Variants in COL20A1 observed in about 807,000 individuals in gnomAD.
The protein encoded by COL20A1 is collagen alpha-1(XX) chain.
COL20A1 carries 164 observed loss-of-function variants against 152.9 expected under a neutral mutation model. That is an observed-to-expected ratio of 1.07 (90% confidence interval 0.94 to 1.22). COL20A1 has a LOEUF of 1.22. Ranked by LOEUF, COL20A1 falls within the 50% of genes most tolerant of loss-of-function variation. The probability of loss-of-function intolerance (pLI) is 0.00; values close to 1 mark genes in which losing one functional copy is unlikely to be tolerated. For synonymous variants in COL20A1, 864 were observed against 756.0 expected (o/e 1.14, Z -2.34); for missense variants, 1,873 against 1,744.8 (o/e 1.07, Z -1.31).
Position 63,305,270 on chromosome 20 carries a change from C to T in COL20A1, c.194-147C>T. ...ATTACCCAGGAGCCCATGTCCCTTC[C>T]ATCAGACCCTCTCCCTTTCTGTCTC... On this transcript the variant is annotated intron_variant, in intron 3 of 35. Coordinates refer to ENST00000358894, the MANE Select transcript of COL20A1 (RefSeq NM_020882.4). The surrounding 1 kb of genome is among the most constrained non-coding windows in gnomAD (Gnocchi z 4.9). 1.7e-6 allele frequency: 1 copy of T among 579,832 alleles called. No homozygotes were observed. The highest frequency in any genetic ancestry group is 2.8e-6 in the Non-Finnish European group (1 of 356,658). The allele number at this position is 579,832 out of a possible 1,614,324, so 35.9% of individuals were successfully genotyped here.
At chr20:63,327,584 C>T (rs79012842) in intron 31 of COL20A1, 11,990 of 258,348 alleles carry the variant, frequency 0.046, 424 homozygotes, top group Middle Eastern at 0.07. Context: ...AGACAGAAGA[C>T]GGCAGGGAAG....
rs913853719 is a variant in COL20A1 at position 63,311,642 on chromosome 20, C to T, written c.1557C>T (p.Pro519=). The T allele has an allele frequency of 3.1e-6, 5 of 1,608,358 alleles. No homozygotes were observed. Among genetic ancestry groups the T allele is most frequent in the Non-Finnish European group, 4.2e-6 (5 of 1,179,306 alleles). ...CTCTGCAGGTGCAGGTCGGGCGGCC[C>T]GAGGTGCTGCTGGATGGCCTGGAAC... The part of the protein sequence containing the change: ...EEEREVQVGR[P]EVLLDGLEPG... The change falls in exon 13 of 36, where the codon CCC becomes CCT. Residue 519 remains proline, a synonymous_variant. Transcript: ENST00000358894. The surrounding 1 kb of genome is among the most constrained non-coding windows in gnomAD (Gnocchi z 4.4).
At chr20:63,302,128 C>G (rs1026160511) in intron 3 of COL20A1, among the ~76,000 whole-genome samples, 1 of 152,010 alleles carries the variant, frequency 6.6e-6, no homozygotes, top group Non-Finnish European at 1.5e-5. Flanking sequence ...TCCTCAACCC[C>G]CCTCTACATT....
intron 3 of COL20A1, among the ~76,000 whole-genome samples, chr20:63,302,363 C>T (rs1568765742): frequency 6.6e-6 from 1 of 152,180 alleles, no homozygotes; most frequent in Non-Finnish European, 1.5e-5. Flanking sequence ...CTCTGTCACT[C>T]AGGCTGGAGT....
chr20:63,318,536 A>G (rs1391742712), intron 21 of COL20A1, among the ~76,000 whole-genome samples: 1 of 152,052 alleles, frequency 6.6e-6, no homozygotes, highest in Non-Finnish European at 1.5e-5. Flanking sequence ...GGCGGTGCCA[A>G]TGAGTGTGAG....
At chr20:63,312,287 G>T (rs1469132287) in intron 14 of COL20A1, 133 bp from the exon 15 acceptor site, 14 of 1,216,898 alleles carry the variant, frequency 1.2e-5, no homozygotes, top group Non-Finnish European at 1.4e-5. Flanking sequence ...CATCCCTCAG[G>T]ACAAGCCCAT....
chr20:63,297,813 C>T, intron 2 of COL20A1, 97 bp from the exon 3 acceptor site: 2 of 918,830 alleles, frequency 2.2e-6, no homozygotes, highest in Non-Finnish European at 3.4e-6. Flanking sequence ...GACTGTGTTC[C>T]TCCCAAATGC....
chr20:63,326,196 T>G, intron 30 of COL20A1, 47 bp downstream of exon 30: 1 of 1,496,488 alleles, frequency 6.7e-7, no homozygotes. Context: ...AGGGTTCCTG[T>G]GTTCCAGGGG....
chr20:63,322,449 C>G (rs1248476536), intron 27 of COL20A1, among the ~76,000 whole-genome samples: 1 of 152,222 alleles, frequency 6.6e-6, no homozygotes, highest in Non-Finnish European at 1.5e-5. Context: ...CCCTGAAGGC[C>G]GCCCTTGATT....
chr20:63,309,499 T>G lies in COL20A1; in HGVS notation c.1105+2T>G. ...GTGGGAGCCCGCGGCAGGGCCCAGGTGAGGGGCAGGGTCACCCGCACAGGC... is the reference window on the plus strand; with the variant it reads ...GTGGGAGCCCGCGGCAGGGCCCAGGGGAGGGGCAGGGTCACCCGCACAGGC... On this transcript the variant is annotated splice_donor_variant, in intron 9 of 35. Coordinates refer to ENST00000358894, the MANE Select transcript of COL20A1 (RefSeq NM_020882.4). LOFTEE classifies it high-confidence loss of function. The G allele has an allele frequency of 1.3e-6, 2 of 1,511,260 alleles. No individual in the cohort carries two copies. The highest frequency in any genetic ancestry group is 1.8e-6 in the Non-Finnish European group (2 of 1,125,550). The allele number at this position is 1,511,260 out of a possible 1,614,324, so 93.6% of individuals were successfully genotyped here.
Position 63,320,346 on chromosome 20 carries a change from G to A in COL20A1, c.3131G>A (p.Arg1044Gln), listed in dbSNP as rs760604465. The change falls in exon 25 of 36, where the codon CGG (arginine) becomes CAG (glutamine). Residue 1044 changes from arginine (R) to glutamine (Q), a missense_variant. Transcript: ENST00000358894. Reference sequence around the variant, plus strand: ...AGTGACACCTGGGCCGATGAGGACCGGTGCTGTGAGCTCCCTGCCTCGGTG... The same window carrying A: ...AGTGACACCTGGGCCGATGAGGACCAGTGCTGTGAGCTCCCTGCCTCGGTG... ...VCSDTWADEDRCCELPASRDG... is the reference protein window; with the variant it reads ...VCSDTWADEDQCCELPASRDG... 3.4e-5 allele frequency: 55 copies of A among 1,611,152 alleles called. No individual in the cohort carries two copies. The highest frequency in any genetic ancestry group is 1.1e-4 in the South Asian group (10 of 91,084).
chr20:63,322,296 G>C (rs2068175412), intron 27 of COL20A1, among the ~76,000 whole-genome samples, 185 bp downstream of exon 27: 1 of 152,124 alleles, frequency 6.6e-6, no homozygotes, highest in Non-Finnish European at 1.5e-5. Flanking sequence ...GGTTTAGGCT[G>C]GCCTCCCCCA....
At chr20:63,297,507 C>T (rs111259414) in intron 2 of COL20A1, among the ~76,000 whole-genome samples, 10 of 152,308 alleles carry the variant, frequency 6.6e-5, no homozygotes, top group African/African-American at 2.4e-4. Context: ...GGGCAGGTTG[C>T]CAGCTGCTGT....
rs1426837166 is a variant in COL20A1 at position 63,332,598 on chromosome 20, A to C, written c.*1882A>C. On this transcript the variant is annotated 3_prime_UTR_variant, in exon 36 of 36. Transcript: ENST00000358894. ...GACTGGGCACTGGGTGGCTGAGACC[A>C]CATTGGCAGCCAGGAGGAGGCAGCC... is the stretch of plus-strand genomic sequence containing the variant. 1 of 152,192 alleles carries C rather than the reference A, an allele frequency of 6.6e-6. No homozygotes were observed. The highest frequency in any genetic ancestry group is 1.9e-4 in the East Asian group (1 of 5,178). The allele number at this position is 152,192 out of a possible 1,614,324, so 9.4% of individuals were successfully genotyped here.
At position 63,312,463 on chromosome 20, in the gene COL20A1, T is replaced by G; in HGVS notation, c.1847T>G (p.Leu616Arg). ...GNATSATLGP[L>R]SSSTTYTVRV... ...GCCACCTCGGCCACGCTGGGGCCTC[T>G]CTCTTCCTCCACCACCTACACTGTC... Residue 616 changes from leucine (L) to arginine (R), a missense_variant, in exon 15 of 36, where the codon CTC (leucine) becomes CGC (arginine). Leu to Arg is a moderately radical substitution (Grantham distance 102). Coordinates refer to ENST00000358894, the MANE Select transcript of COL20A1 (RefSeq NM_020882.4). The G allele has an allele frequency of 1.2e-6, 2 of 1,607,456 alleles. No individual in the cohort carries two copies. The highest frequency in any genetic ancestry group is 1.7e-6 in the Non-Finnish European group (2 of 1,178,312).
intron 3 of COL20A1, among the ~76,000 whole-genome samples, chr20:63,298,664 C>T (rs2067829578): frequency 6.6e-6 from 1 of 152,184 alleles, no homozygotes; most frequent in African/African-American, 2.4e-5. Context: ...GCCTGGACTC[C>T]GCACAGCGAA....
Position 63,295,926 on chromosome 20 carries a change from C to T in COL20A1, c.82+737C>T, listed in dbSNP as rs534533200. On this transcript the variant is annotated intron_variant, in intron 2 of 35. Coordinates refer to ENST00000358894, the MANE Select transcript of COL20A1 (RefSeq NM_020882.4). ...GCACCTGCAAGCTCCTGGGAGGTTC[C>T]GGGCTCCCACTGAGCGATGGTTTTG... is the stretch of plus-strand genomic sequence containing the variant. Among the ~76,000 whole-genome samples, 75 of 152,366 alleles carry T rather than the reference C, an allele frequency of 4.9e-4. 1 individual carries two copies. The highest frequency in any genetic ancestry group is 1.6e-3 in the African/African-American group (68 of 41,602).
At chr20:63,328,054 A>G (rs993647572) in intron 32 of COL20A1, 25 bp from the exon 33 acceptor site, 2 of 1,613,362 alleles carry the variant, frequency 1.2e-6, no homozygotes, top group Non-Finnish European at 1.7e-6. Context: ...CACGGGTCCC[A>G]AAGCTGCACC....
intron 7 of COL20A1, 68 bp from the exon 8 acceptor site, chr20:63,308,474 T>C (rs1437198495): frequency 1.4e-6 from 2 of 1,405,040 alleles, no homozygotes; most frequent in African/African-American, 2.9e-5. Flanking sequence ...GCTGTCCGGT[T>C]GCTGCCAGCC....
Sources: gnomAD v4.1 joint callset for allele counts (sites outside exome capture counted in the v4.1 genomes callset) on GRCh38, gnomAD v4.1.1 for gene constraint, Gnocchi (gnomAD v3.1) non-coding constraint, MANE v1.5 for transcripts, NCBI Gene and HGNC (gene_info 2026-07-23, HGNC 2026-07-21) for gene names.